Variants in PASD1 observed in about 807,000 individuals in gnomAD.
PASD1 encodes the protein PAS domain containing repressor 1.
PASD1 carries 13 observed loss-of-function variants against 58.8 expected under a neutral mutation model. The ratio of observed to expected loss-of-function variants is 0.22; its 90% CI spans 0.14 to 0.35. PASD1 has a LOEUF of 0.35. PASD1 is among the 10% of genes least tolerant of loss of function. The pLI is 1.00. For missense variants in PASD1, 734 were observed against 568.3 expected, an observed-to-expected ratio of 1.29 and a Z score of -2.96; for synonymous variants, 236 against 216.7, an observed-to-expected ratio of 1.09 and a Z score of -0.78.
chrX:151,663,621 A>G (rs2014337279), intron 10 of PASD1, among the ~76,000 whole-genome samples: 1 of 111,975 alleles, frequency 8.9e-6, no homozygotes, highest in South Asian at 3.8e-4. Flanking sequence ...AACTGACAAA[A>G]TGTTTTCAAA....
chrX:151,664,638 A>G (rs1178486736), intron 11 of PASD1, among the ~76,000 whole-genome samples: 1 of 111,461 alleles, frequency 9.0e-6, no homozygotes. Flanking sequence ...TTTGAGCCAA[A>G]TAAGAAGCTT....
intron 8 of PASD1, among the ~76,000 whole-genome samples, chrX:151,628,428 A>G (rs1376044040): frequency 8.9e-6 from 1 of 112,273 alleles, no homozygotes; most frequent in Non-Finnish European, 1.9e-5. Context: ...ACATATGTCT[A>G]GCCAGTTTTC....
intron 1 of PASD1, among the ~76,000 whole-genome samples, chrX:151,590,562 T>C (rs1374893777): frequency 9.0e-6 from 1 of 111,206 alleles, no homozygotes; most frequent in Non-Finnish European, 1.9e-5. Flanking sequence ...CATGTTCCAC[T>C]TTCACTTTTT....
chrX:151,631,229 A>G (rs2013862689), intron 8 of PASD1, among the ~76,000 whole-genome samples: 2 of 111,756 alleles, frequency 1.8e-5, no homozygotes, highest in African/African-American at 6.5e-5. Flanking sequence ...TTTTAGACTC[A>G]TTGTACAGGT....
chrX:151,621,104 TAAAA>T, intron 5 of PASD1, 75 bp downstream of exon 5: 1 of 635,813 alleles, frequency 1.6e-6, no homozygotes, highest in Non-Finnish European at 2.4e-6. Context: ...GATTAATTTC[TAAAA>T]AGATATTAGA....
At chrX:151,617,896 G>A (rs1045334519) in intron 4 of PASD1, among the ~76,000 whole-genome samples, 1 of 111,999 alleles carries the variant, frequency 8.9e-6, no homozygotes, top group African/African-American at 3.2e-5. Context: ...AAGTGAGCTT[G>A]TATATGTGAA....
At chrX:151,631,104 G>A (rs886161823) in intron 8 of PASD1, among the ~76,000 whole-genome samples, 1 of 112,254 alleles carries the variant, frequency 8.9e-6, no homozygotes, top group African/African-American at 3.2e-5. Context: ...TATTGGTAAG[G>A]CCCAAATTCC....
Position 151,671,723 on chromosome X carries a change from T to C in PASD1, c.1381T>C (p.Ser461Pro). 1 of 1,210,857 alleles carries C rather than the reference T, an allele frequency of 8.3e-7. No homozygotes were observed. Among genetic ancestry groups the C allele is most frequent in the Non-Finnish European group, 1.1e-6 (1 of 894,529 alleles). Residue 461 changes from serine (S) to proline (P), a missense_variant, in exon 13 of 16, where the codon TCC becomes CCC. Ser to Pro is a moderately conservative substitution (Grantham distance 74). Transcript: ENST00000370357. Reference sequence around the variant, plus strand: ...CAAGTGTTTCTGTGGTTTATCTTTATCCAACTCTCTCAAAAACACTGGGGA... The same window carrying C: ...CAAGTGTTTCTGTGGTTTATCTTTACCCAACTCTCTCAAAAACACTGGGGA... ...DVKCFCGLSLSNSLKNTGELQ... is the reference protein window; with the variant it reads ...DVKCFCGLSLPNSLKNTGELQ...
intron 9 of PASD1, among the ~76,000 whole-genome samples, chrX:151,656,425 T>A (rs1323304212): frequency 8.9e-6 from 1 of 111,865 alleles, no homozygotes; most frequent in Non-Finnish European, 1.9e-5. Context: ...GGGGATGGCA[T>A]TGAATCTATA....
At chrX:151,589,986 G>A (rs1279692108) in intron 1 of PASD1, among the ~76,000 whole-genome samples, 2 of 111,363 alleles carry the variant, frequency 1.8e-5, no homozygotes, top group Non-Finnish European at 3.8e-5. Flanking sequence ...AGTATTTTTC[G>A]TAATACAGAT....
At chrX:151,621,134 G>C (rs2013702271) in intron 5 of PASD1, 105 bp downstream of exon 5, 2 of 449,498 alleles carry the variant, frequency 4.4e-6, no homozygotes, top group African/African-American at 5.0e-5. Flanking sequence ...TACGGCTGTT[G>C]ATCATATATT....
At chrX:151,652,112 T>C in intron 9 of PASD1, among the ~76,000 whole-genome samples, 1 of 112,006 alleles carries the variant, frequency 8.9e-6, no homozygotes. Flanking sequence ...CTGTTTTAAG[T>C]TGGGGGTGGA....
At chrX:151,643,238 T>C (rs1030760155) in intron 8 of PASD1, among the ~76,000 whole-genome samples, 1 of 111,993 alleles carries the variant, frequency 8.9e-6, no homozygotes, top group African/African-American at 3.2e-5. Flanking sequence ...ACTTGGGAAG[T>C]TGGTATGCTT....
At chrX:151,592,188 C>G (rs958877788) in intron 1 of PASD1, among the ~76,000 whole-genome samples, 3 of 111,714 alleles carry the variant, frequency 2.7e-5, no homozygotes, top group Non-Finnish European at 5.6e-5. Flanking sequence ...AAAAACAAAG[C>G]AAAGCAAAAC....
chrX:151,673,133 T>C (rs1384439878), intron 14 of PASD1: 8 of 125,732 alleles, frequency 6.4e-5, no homozygotes, highest in Admixed American at 6.3e-4. Flanking sequence ...GAAGTGAGTG[T>C]GAAACAACTG....
In PASD1 at chrX:151,575,712, G is replaced by A. The variant is rs201422964; in HGVS notation, c.-28+11873G>A. On this transcript the variant is annotated intron_variant, in intron 1 of 15. Coordinates refer to ENST00000370357, the MANE Select transcript of PASD1 (RefSeq NM_173493.3). ...TCTGTCACCCAGGCTGGAGTGCAGTGGCATAATCATGGCTCACTACAGCCT... is the reference window on the plus strand; with the variant it reads ...TCTGTCACCCAGGCTGGAGTGCAGTAGCATAATCATGGCTCACTACAGCCT... 1.3e-4 allele frequency among the ~76,000 whole-genome samples: 14 copies of A among 110,154 alleles called. No homozygotes were observed. In the East Asian group the frequency reaches 4.0e-3, roughly 31 times the overall value.
intron 8 of PASD1, among the ~76,000 whole-genome samples, chrX:151,634,694 T>A: frequency 8.9e-6 from 1 of 111,832 alleles, no homozygotes; most frequent in Non-Finnish European, 1.9e-5. Context: ...AAGTTACGCA[T>A]TTTTATCAGG....
intron 11 of PASD1, among the ~76,000 whole-genome samples, chrX:151,667,751 G>C (rs2014403324): frequency 9.0e-6 from 1 of 111,578 alleles, no homozygotes. Context: ...TCTCTGTTTT[G>C]GTACCAGTAC....
Position 151,563,677 on chromosome X carries a change from A to C in PASD1, c.-190A>C, listed in dbSNP as rs1295322822. 9.0e-6 allele frequency: 1 copy of C among 110,783 alleles called. No individual in the cohort carries two copies. 9.1% of individuals were successfully genotyped at this position (110,783 alleles called of 1,213,427 possible). On this transcript the variant is annotated 5_prime_UTR_variant, in exon 1 of 16. Coordinates refer to ENST00000370357, the MANE Select transcript of PASD1 (RefSeq NM_173493.3). Reference sequence around the variant, plus strand: ...GCCACGCCCCCACCACGCGCTTTGCACTCTGGGGCCCACGCACTTCCCTGA... The same window carrying C: ...GCCACGCCCCCACCACGCGCTTTGCCCTCTGGGGCCCACGCACTTCCCTGA...
Sources: allele counts gnomAD v4.1 joint callset (sites outside exome capture counted in the v4.1 genomes callset), GRCh38; gene constraint gnomAD v4.1.1; transcripts MANE v1.5; gene names NCBI Gene and HGNC (gene_info 2026-07-23, HGNC 2026-07-21).